GRAMD1B: variants seen among roughly 807,000 people sequenced by gnomAD.
GRAMD1B encodes protein Aster-B.
A neutral mutation model predicts 99.7 loss-of-function variants in GRAMD1B; 37 were observed. That is an observed-to-expected ratio of 0.37 (90% confidence interval 0.29 to 0.49). The LOEUF (loss-of-function observed/expected upper bound fraction) is 0.49. GRAMD1B is among the 20% of genes least tolerant of loss of function. GRAMD1B has a pLI of 0.98. For missense variants in GRAMD1B, 888 were observed against 1,009.2 expected (o/e 0.88, Z 1.63); for synonymous variants, 427 against 387.6 (o/e 1.10, Z -1.19).
chr11:123,484,892 T>C (rs2134909280), intron 2 of GRAMD1B, among the ~76,000 whole-genome samples: 1 of 152,288 alleles, frequency 6.6e-6, no homozygotes, highest in East Asian at 1.9e-4. Flanking sequence ...TTTAGGACGT[T>C]GATCTGTGAT....
intron 1 of GRAMD1B, among the ~76,000 whole-genome samples, chr11:123,393,636 G>A (rs1332851945): frequency 6.6e-6 from 1 of 152,216 alleles, no homozygotes; most frequent in Non-Finnish European, 1.5e-5. Context: ...CCTTCTCCCA[G>A]AATGAATGAT....
At chr11:123,408,795 A>G (rs2135957529) in intron 1 of GRAMD1B, among the ~76,000 whole-genome samples, 1 of 152,392 alleles carries the variant, frequency 6.6e-6, no homozygotes, top group African/African-American at 2.4e-5. Context: ...GCATGAATTC[A>G]TGCAGGATAA....
At chr11:123,470,510 CTTTTT>C (rs61137951) in intron 1 of GRAMD1B, among the ~76,000 whole-genome samples, 8 of 102,734 alleles carry the variant, frequency 7.8e-5, no homozygotes, top group Non-Finnish European at 1.2e-4. Flanking sequence ...TTCTTTCTTT[CTTTTT>C]TTTTTTTTTT....
chr11:123,440,342 C>T (rs757881611), intron 1 of GRAMD1B, among the ~76,000 whole-genome samples: 23 of 152,090 alleles, frequency 1.5e-4, no homozygotes, highest in African/African-American at 5.3e-4. Context: ...GAAACCCCGT[C>T]TCTACTAAAA....
chr11:123,579,213 G>A (rs956493102), intron 3 of GRAMD1B, among the ~76,000 whole-genome samples: 1 of 152,208 alleles, frequency 6.6e-6, no homozygotes, highest in South Asian at 2.1e-4. Flanking sequence ...TGGAGGGTGA[G>A]CGATAGGTGT....
At chr11:123,539,249 C>CTTAAAAACAAAA (rs1336955646) in intron 2 of GRAMD1B, among the ~76,000 whole-genome samples, 2 of 151,952 alleles carry the variant, frequency 1.3e-5, no homozygotes, top group Non-Finnish European at 2.9e-5. Context: ...AAACTCCAAA[C>CTTAAAAACAAAA]AATTGGGTCC....
intron 1 of GRAMD1B, among the ~76,000 whole-genome samples, chr11:123,478,851 C>G (rs562212017): frequency 6.6e-6 from 1 of 152,152 alleles, no homozygotes; most frequent in Admixed American, 6.6e-5. Flanking sequence ...CAGTGTAGAC[C>G]CTGCTTCTGG....
chr11:123,496,023 G>A (rs1939212780), intron 2 of GRAMD1B, among the ~76,000 whole-genome samples: 1 of 152,120 alleles, frequency 6.6e-6, no homozygotes, highest in African/African-American at 2.4e-5. Context: ...ATAATATTCT[G>A]TGTTTTTCTG....
At chr11:123,394,592 C>T (rs1310373681) in intron 1 of GRAMD1B, among the ~76,000 whole-genome samples, 1 of 152,152 alleles carries the variant, frequency 6.6e-6, no homozygotes. Context: ...AATTCTTGAG[C>T]ATCTTCTATG....
chr11:123,368,091 T>C (rs1482946008), intron 1 of GRAMD1B, among the ~76,000 whole-genome samples: 1 of 150,754 alleles, frequency 6.6e-6, no homozygotes, highest in African/African-American at 2.4e-5. Flanking sequence ...CTGTCTCTAC[T>C]AAAAATACAA....
intron 2 of GRAMD1B, among the ~76,000 whole-genome samples, chr11:123,553,406 G>C (rs551749112): frequency 1.1e-4 from 17 of 152,288 alleles, no homozygotes; most frequent in African/African-American, 4.1e-4. Flanking sequence ...GCTGCATTTT[G>C]TCCCAGGGAA....
intron 15 of GRAMD1B, chr11:123,613,141 T>A (rs1284714571): frequency 1.8e-6 from 1 of 554,368 alleles, no homozygotes; most frequent in Non-Finnish European, 3.2e-6. Context: ...CCTAGTGATA[T>A]AGGTGGCTCT....
intron 19 of GRAMD1B, 171 bp downstream of exon 19, chr11:123,619,395 C>G (rs1204761098): frequency 6.7e-7 from 1 of 1,483,908 alleles, no homozygotes; most frequent in Non-Finnish European, 9.0e-7. Flanking sequence ...CTTGAGTGGG[C>G]TGCTAGAAAT....
intron 1 of GRAMD1B, among the ~76,000 whole-genome samples, chr11:123,471,560 G>A (rs1428054674): frequency 6.6e-6 from 1 of 152,152 alleles, no homozygotes; most frequent in Non-Finnish European, 1.5e-5. Flanking sequence ...CAAGAAATAT[G>A]CGTTTCAAGA....
At chr11:123,446,922 A>C (rs1308180505) in intron 1 of GRAMD1B, among the ~76,000 whole-genome samples, 1 of 151,962 alleles carries the variant, frequency 6.6e-6, no homozygotes, top group Admixed American at 6.6e-5. Flanking sequence ...GAAAGAAAAG[A>C]AAAGAAAGGA....
chr11:123,409,644 T>C (rs1947972960), intron 1 of GRAMD1B, among the ~76,000 whole-genome samples: 1 of 152,190 alleles, frequency 6.6e-6, no homozygotes, highest in East Asian at 1.9e-4. Flanking sequence ...ACAGCCTAAT[T>C]ACCTGTAGAC....
At chr11:123,590,708 A>G (rs908243975) in intron 4 of GRAMD1B, among the ~76,000 whole-genome samples, 1 of 152,194 alleles carries the variant, frequency 6.6e-6, no homozygotes, top group Admixed American at 6.5e-5. Flanking sequence ...GGTTGAGAGC[A>G]GGCCCTGTTG....
At chr11:123,413,727 A>C in intron 1 of GRAMD1B, among the ~76,000 whole-genome samples, 1 of 150,228 alleles carries the variant, frequency 6.7e-6, no homozygotes, top group Admixed American at 6.6e-5. Flanking sequence ...TCCCACCCCC[A>C]CCCCAGCTTC....
At position 123,430,711 on chromosome 11, in the gene GRAMD1B, C is replaced by T. The variant is rs1281462991; in HGVS notation, c.-82C>T. On this transcript the variant is annotated 5_prime_UTR_variant, in exon 1 of 20. Coordinates refer to ENST00000635736, the MANE Select transcript of GRAMD1B (RefSeq NM_001387025.1). ...AGGATTGGGGAGTGTGCCGCGGGGC[C>T]GAGGGTGGGGAACAGCCAGAGGGAG... 3.4e-6 allele frequency: 2 copies of T among 586,938 alleles called. No homozygotes were observed. Among genetic ancestry groups the T allele is most frequent in the African/African-American group, 3.9e-5 (2 of 51,114 alleles). 36.4% of individuals were successfully genotyped at this position (586,938 alleles called of 1,614,324 possible). A position where few individuals can be genotyped will look rare whatever the true frequency, so the allele number is the denominator to read the frequency against.
Sources: allele counts gnomAD v4.1 joint callset (sites outside exome capture counted in the v4.1 genomes callset), GRCh38; gene constraint gnomAD v4.1.1; transcripts MANE v1.5; gene names NCBI Gene and HGNC (gene_info 2026-07-23, HGNC 2026-07-21).